ZFHX3: variants seen among roughly 807,000 people sequenced by gnomAD.
ZFHX3 encodes the protein zinc finger homeobox protein 3.
ZFHX3 carries 42 observed loss-of-function variants against 279.1 expected under a neutral mutation model. That is an observed-to-expected ratio of 0.15 (90% confidence interval 0.12 to 0.19). The LOEUF (loss-of-function observed/expected upper bound fraction) is 0.19. Among genes scored for constraint, ZFHX3 ranks in the 10% least tolerant of loss-of-function variants. ZFHX3 has a pLI of 1.00. For synonymous variants in ZFHX3, 2,293 were observed against 1,957.8 expected (o/e 1.17, Z -4.52); for missense variants, 4,981 against 4,754.0 (o/e 1.05, Z -1.40).
rs1042424932 is a variant in ZFHX3, at chr16:73,069,322, A to G, written c.-532-10310T>C. Among the ~76,000 whole-genome samples the G allele has an allele frequency of 2.0e-5, 3 of 152,190 alleles. No homozygotes were observed. In the South Asian group the frequency reaches 6.2e-4, roughly 32 times the overall value. Reference sequence around the variant, plus strand: ...GACTGGCCTCTCACCCTCTCCCCCAATAAGGGATGTTAAGCGGGTGGCAGG... The same window carrying G: ...GACTGGCCTCTCACCCTCTCCCCCAGTAAGGGATGTTAAGCGGGTGGCAGG... On this transcript the variant is annotated intron_variant, in intron 8 of 17. Transcript: ENST00000641206.
intron 1 of ZFHX3, among the ~76,000 whole-genome samples, chr16:73,862,278 C>G (rs1295730240): frequency 6.6e-6 from 1 of 152,180 alleles, no homozygotes; most frequent in Non-Finnish European, 1.5e-5. Flanking sequence ...TAGGAGCTAC[C>G]ATATCCTTTA....
At chr16:73,854,905 T>C (rs1299966641) in intron 1 of ZFHX3, among the ~76,000 whole-genome samples, 1 of 147,884 alleles carries the variant, frequency 6.8e-6, no homozygotes, top group South Asian at 2.2e-4. Flanking sequence ...TTAAAGGGAG[T>C]GTACCTGAAC....
intron 2 of ZFHX3, among the ~76,000 whole-genome samples, chr16:73,497,820 A>G (rs370907507): frequency 3.9e-5 from 6 of 152,344 alleles, no homozygotes; most frequent in African/African-American, 1.4e-4. Context: ...AGAAAGGATT[A>G]TAAGGATTAC....
chr16:73,609,635 T>TGATG (rs1392927373), intron 2 of ZFHX3: 1 of 151,470 alleles, frequency 6.6e-6, no homozygotes, highest in East Asian at 1.9e-4. Context: ...ATAGGTAACT[T>TGATG]GATGGATGGA....
chr16:73,543,553 G>A (rs945368329), intron 2 of ZFHX3, among the ~76,000 whole-genome samples: 2 of 152,190 alleles, frequency 1.3e-5, no homozygotes, highest in Admixed American at 6.5e-5. Context: ...TGTAAAGGGA[G>A]CAGCTGGGAA....
chr16:73,791,665 C>T (rs538726934), intron 1 of ZFHX3, among the ~76,000 whole-genome samples: 2 of 152,170 alleles, frequency 1.3e-5, no homozygotes, highest in East Asian at 3.9e-4. Context: ...CCTCGTGTTC[C>T]GTCCACCTCG....
chr16:73,108,456 T>A (rs866092904), intron 7 of ZFHX3, among the ~76,000 whole-genome samples: 1 of 152,008 alleles, frequency 6.6e-6, no homozygotes, highest in Non-Finnish European at 1.5e-5. Flanking sequence ...TAGGCTAGAG[T>A]GCAGTGGTGG....
intron 1 of ZFHX3, among the ~76,000 whole-genome samples, chr16:73,003,333 C>A (rs1202865708): frequency 1.4e-5 from 2 of 143,760 alleles, no homozygotes; most frequent in Non-Finnish European, 3.1e-5. Flanking sequence ...AAAAAAAAAA[C>A]CATCAGACAA....
intron 5 of ZFHX3, among the ~76,000 whole-genome samples, chr16:73,248,256 G>C (rs62654027): frequency 1 from 151,678 of 151,704 alleles, 75,826 homozygotes; most frequent in Middle Eastern, 1. Context: ...GTTTATGTGC[G>C]TGTATGTGGA....
chr16:73,748,371 C>T (rs906992815), intron 1 of ZFHX3, among the ~76,000 whole-genome samples: 1 of 152,162 alleles, frequency 6.6e-6, no homozygotes, highest in Non-Finnish European at 1.5e-5. Context: ...CACTTCAAGT[C>T]ATCCCTTTTA....
chr16:72,912,732 A>G (rs995418032), intron 3 of ZFHX3, among the ~76,000 whole-genome samples: 3 of 151,674 alleles, frequency 2.0e-5, no homozygotes, highest in East Asian at 3.9e-4. Context: ...TTATTATTTT[A>G]TTATTATTTT....
intron 3 of ZFHX3, among the ~76,000 whole-genome samples, chr16:73,428,452 G>A (rs771969350): frequency 6.6e-6 from 1 of 152,014 alleles, no homozygotes; most frequent in South Asian, 2.1e-4. Context: ...ACCTCCCCGC[G>A]CTCCCTCGAA....
intron 1 of ZFHX3, among the ~76,000 whole-genome samples, chr16:73,772,792 C>T (rs550803722): frequency 6.6e-6 from 1 of 152,320 alleles, no homozygotes; most frequent in Non-Finnish European, 1.5e-5. Context: ...GCTATCTAAT[C>T]TGGCTGTCAC....
rs867916877 is a variant in ZFHX3 at position 73,886,289 on chromosome 16, T to C, written c.-1608+5362A>G. On this transcript the variant is annotated intron_variant, in intron 1 of 17. Coordinates refer to the ZFHX3 transcript ENST00000641206. ...AGAATTCGTTTATGGATTAATATTA[T>C]CAAATTTTAAGAGGGAAAAAAAAAC... is the stretch of plus-strand genomic sequence containing the variant. 1.1e-4 allele frequency among the ~76,000 whole-genome samples: 17 copies of C among 152,142 alleles called. No homozygotes were observed. The East Asian group carries it at 3.1e-3, about 28-fold the overall frequency.
rs145020708 is a variant in ZFHX3, at chr16:72,856,207, G to A, written c.3449-26348C>T. Reference sequence around the variant, plus strand: ...CGTGCATGTAACTGTAAAGCTAGGCGCTGTACCTGTCTGTCTGCAGCTCCC... The same window carrying A: ...CGTGCATGTAACTGTAAAGCTAGGCACTGTACCTGTCTGTCTGCAGCTCCC... On this transcript the variant is annotated intron_variant, in intron 4 of 9. Transcript: ENST00000268489. Among the ~76,000 whole-genome samples the A allele has an allele frequency of 5.3e-4, 80 of 152,296 alleles. No individual in the cohort carries two copies. In the East Asian group the frequency reaches 0.011, roughly 20 times the overall value.
At chr16:73,822,503 A>G (rs1357841250) in intron 1 of ZFHX3, among the ~76,000 whole-genome samples, 1 of 151,398 alleles carries the variant, frequency 6.6e-6, no homozygotes, top group Non-Finnish European at 1.5e-5. Flanking sequence ...CTGTCATTGA[A>G]AAGCTGCTTT....
At chr16:73,135,703 A>T (rs370673655) in intron 6 of ZFHX3, among the ~76,000 whole-genome samples, 1 of 152,346 alleles carries the variant, frequency 6.6e-6, no homozygotes, top group South Asian at 2.1e-4. Context: ...GTTAAAAAAA[A>T]TAGTTCCAGC....
At chr16:73,139,474 G>A (rs1273313762) in intron 6 of ZFHX3, among the ~76,000 whole-genome samples, 1 of 152,142 alleles carries the variant, frequency 6.6e-6, no homozygotes, top group Non-Finnish European at 1.5e-5. Context: ...TCAAGATATT[G>A]TACATTATCT....
At chr16:73,044,947 C>G (rs1039409922) in intron 1 of ZFHX3, among the ~76,000 whole-genome samples, 1 of 152,126 alleles carries the variant, frequency 6.6e-6, no homozygotes, top group Non-Finnish European at 1.5e-5. Flanking sequence ...AAAGACAGCT[C>G]ACTTTCTTCC....
Sources: allele counts gnomAD v4.1 joint callset (sites outside exome capture counted in the v4.1 genomes callset), GRCh38; gene constraint gnomAD v4.1.1; transcripts MANE v1.5; gene names NCBI Gene and HGNC (gene_info 2026-07-23, HGNC 2026-07-21).